The following SAMD5 variants were observed in gnomAD, a reference collection of about 807,000 sequenced individuals.
The protein encoded by SAMD5 is sterile alpha motif domain-containing protein 5.
A neutral mutation model predicts 11.3 loss-of-function variants in SAMD5; 13 were observed. The observed-to-expected ratio is 1.15, with a 90% CI of 0.75 to 1.83. SAMD5 has a LOEUF of 1.83. Ranked by LOEUF, SAMD5 falls within the 40% of genes most tolerant of loss-of-function variation. SAMD5 has a pLI of 0.00. For missense variants in SAMD5, 255 were observed against 239.1 expected (o/e 1.07, Z -0.44); for synonymous variants, 129 against 111.3 (o/e 1.16, Z -1.00).
At chr6:147,778,468 CA>C in the SAMD5 span, among the ~76,000 whole-genome samples, 2 of 152,156 alleles carry the variant, frequency 1.3e-5, no homozygotes, top group African/African-American at 4.8e-5. Flanking sequence ...CCTTGCCCAC[CA>C]TGAACCTGGT....
intron 1 of SAMD5, among the ~76,000 whole-genome samples, chr6:147,516,479 T>C (rs1474737265): frequency 6.6e-6 from 1 of 152,174 alleles, no homozygotes; most frequent in Non-Finnish European, 1.5e-5. Context: ...CACATAGGGT[T>C]GTTATGGAGA....
chr6:147,758,957 C>A, the SAMD5 span, among the ~76,000 whole-genome samples: 1 of 152,096 alleles, frequency 6.6e-6, no homozygotes, highest in South Asian at 2.1e-4. Flanking sequence ...TAGTTTCACT[C>A]GAGCTGAGTC....
downstream of SAMD5, among the ~76,000 whole-genome samples, chr6:147,571,490 C>A (rs1789138011): frequency 1.3e-5 from 2 of 152,008 alleles, no homozygotes; most frequent in African/African-American, 2.4e-5. Context: ...ACCCCGCCCC[C>A]CTGCCCACCT....
At chr6:147,889,922 C>G in the SAMD5 span, among the ~76,000 whole-genome samples, 3 of 152,164 alleles carry the variant, frequency 2.0e-5, no homozygotes, top group African/African-American at 7.2e-5. Flanking sequence ...CTGATATGCT[C>G]CCTTTGGCAT....
At chr6:147,816,327 T>TATATATATATATAC in the SAMD5 span, among the ~76,000 whole-genome samples, 9 of 123,158 alleles carry the variant, frequency 7.3e-5, no homozygotes, top group East Asian at 2.0e-3. Context: ...TATATATATA[T>TATATATATATATAC]ACAGCAAATT....
At chr6:147,794,986 A>G in the SAMD5 span, among the ~76,000 whole-genome samples, 4 of 152,092 alleles carry the variant, frequency 2.6e-5, no homozygotes, top group Non-Finnish European at 4.4e-5. Context: ...ATTAAAGAGT[A>G]TGTACTATAC....
chr6:147,925,984 C>T, the SAMD5 span, among the ~76,000 whole-genome samples: 1 of 152,186 alleles, frequency 6.6e-6, no homozygotes, highest in African/African-American at 2.4e-5. Flanking sequence ...TAATGGCCTC[C>T]AGCCCATCCA....
intron 1 of SAMD5, among the ~76,000 whole-genome samples, chr6:147,651,810 G>A (rs1171669736): frequency 6.6e-6 from 1 of 152,180 alleles, no homozygotes; most frequent in East Asian, 1.9e-4. Flanking sequence ...CAGAGAATAT[G>A]GGAGCTGTGA....
At chr6:147,818,531 A>G in the SAMD5 span, among the ~76,000 whole-genome samples, 1 of 152,214 alleles carries the variant, frequency 6.6e-6, no homozygotes, top group Non-Finnish European at 1.5e-5. Context: ...CCTCGCAGGA[A>G]GAGGTTTGGT....
At chr6:147,898,854 C>T in the SAMD5 span, among the ~76,000 whole-genome samples, 6 of 152,010 alleles carry the variant, frequency 3.9e-5, no homozygotes, top group East Asian at 3.9e-4. Flanking sequence ...ATAATAAGAG[C>T]GTGCTGATTG....
chr6:147,805,749 C>T, the SAMD5 span, among the ~76,000 whole-genome samples: 1 of 152,050 alleles, frequency 6.6e-6, no homozygotes. Context: ...TGGCTGAGAT[C>T]TAAAAATGTT....
intron 1 of SAMD5, among the ~76,000 whole-genome samples, chr6:147,655,386 A>G (rs1790550774): frequency 6.6e-6 from 1 of 152,144 alleles, no homozygotes; most frequent in Admixed American, 6.5e-5. Context: ...AAAAAATTCA[A>G]TTATTTTTAT....
At chr6:147,739,563 A>T (rs1436919710), downstream of SAMD5, among the ~76,000 whole-genome samples, 1 of 152,128 alleles carries the variant, frequency 6.6e-6, no homozygotes, top group Non-Finnish European at 1.5e-5. Context: ...TCACCACTGC[A>T]CTCCAGCCTG....
the SAMD5 span, among the ~76,000 whole-genome samples, chr6:147,785,508 C>T: frequency 6.6e-6 from 1 of 152,186 alleles, no homozygotes; most frequent in Admixed American, 6.5e-5. Context: ...AGCCAAATCG[C>T]CAATCAGCCC....
At chr6:147,527,833 G>A (rs905817810) in intron 1 of SAMD5, among the ~76,000 whole-genome samples, 1 of 152,092 alleles carries the variant, frequency 6.6e-6, no homozygotes. Context: ...AATTTATAAA[G>A]AAAAGAGGTT....
intron 1 of SAMD5, among the ~76,000 whole-genome samples, chr6:147,558,547 T>G (rs1033573442): frequency 5.9e-5 from 9 of 152,168 alleles, no homozygotes; most frequent in African/African-American, 2.2e-4. Flanking sequence ...CTCCTGCAGC[T>G]GTCAAATTGA....
At chr6:147,537,783 C>G (rs1307481488) in intron 1 of SAMD5, among the ~76,000 whole-genome samples, 1 of 151,320 alleles carries the variant, frequency 6.6e-6, no homozygotes, top group Non-Finnish European at 1.5e-5. Flanking sequence ...AAAACCTTTT[C>G]TCTGATAGAG....
At chr6:147,570,735 AT>A (rs67289762), downstream of SAMD5, among the ~76,000 whole-genome samples, 3,388 of 152,340 alleles carry the variant, frequency 0.022, 50 homozygotes, top group Non-Finnish European at 0.031. Context: ...AGCAAAAAAA[AT>A]ATATGGTAAA....
chr6:147,655,823 T>C (rs774161004), intron 1 of SAMD5, among the ~76,000 whole-genome samples: 1 of 152,064 alleles, frequency 6.6e-6, no homozygotes, highest in Admixed American at 6.6e-5. Context: ...ACAATATAAA[T>C]GCAAAAATCA....
Sources: gnomAD v4.1 joint callset for allele counts (sites outside exome capture counted in the v4.1 genomes callset) on GRCh38, gnomAD v4.1.1 for gene constraint, MANE v1.5 for transcripts, NCBI Gene and HGNC (gene_info 2026-07-23, HGNC 2026-07-21) for gene names.